The following TTC34 variants were observed in gnomAD, a reference collection of about 807,000 sequenced individuals.
TTC34 encodes the protein tetratricopeptide repeat domain 34, also known as tetratricopeptide repeat protein 34.
Under a neutral mutation model 40.7 loss-of-function variants are expected in TTC34, and 44 were observed. The observed-to-expected ratio is 1.08, with a 90% confidence interval of 0.85 to 1.39. TTC34 has a LOEUF of 1.39. Ranked by LOEUF, TTC34 falls within the 40% of genes most tolerant of loss-of-function variation. The pLI, the probability that TTC34 is intolerant of heterozygous loss-of-function variation, is 0.00. For missense variants in TTC34, 884 were observed against 838.0 expected, an observed-to-expected ratio of 1.05 and a Z score of -0.68; for synonymous variants, 422 against 398.6, an observed-to-expected ratio of 1.06 and a Z score of -0.70.
intron 6 of TTC34, among the ~76,000 whole-genome samples, chr1:2,653,417 A>C (rs1639219419): frequency 2.0e-5 from 3 of 152,106 alleles, no homozygotes; most frequent in Admixed American, 1.3e-4. Flanking sequence ...CCCCCAGGTG[A>C]GCATCTGACA....
Position 2,683,651 on chromosome 1 carries a change from C to T in TTC34, c.2227-38088G>A, listed in dbSNP as rs1276426507. Among the ~76,000 whole-genome samples the T allele has an allele frequency of 7.7e-5, 11 of 142,002 alleles. 1 individual carries two copies. The highest frequency in any genetic ancestry group is 1.5e-4 in the Non-Finnish European group (10 of 65,658). 93.2% of individuals were successfully genotyped at this position (142,002 alleles called of 152,430 possible). On this transcript the variant is annotated intron_variant, in intron 6 of 8. Transcript: ENST00000401095. ...CCCACACCCCCAGGTGAGCATCTGACAGCCTGGAGCAGCACGCTGCACCCC... is the reference window on the plus strand; with the variant it reads ...CCCACACCCCCAGGTGAGCATCTGATAGCCTGGAGCAGCACGCTGCACCCC...
intron 6 of TTC34, among the ~76,000 whole-genome samples, chr1:2,782,275 G>A (rs1046166500): frequency 6.6e-6 from 1 of 152,228 alleles, no homozygotes; most frequent in Admixed American, 6.5e-5. Context: ...TAGATTAACT[G>A]ATTTGTTGGT....
At chr1:2,794,909 A>G (rs1376012933) in intron 2 of TTC34, among the ~76,000 whole-genome samples, 1 of 152,222 alleles carries the variant, frequency 6.6e-6, no homozygotes, top group Non-Finnish European at 1.5e-5. Flanking sequence ...GAAACATAAA[A>G]TTTTAAGTTC....
chr1:2,640,213 G>A (rs1638873634), exon 9 of TTC34: 1 of 152,296 alleles, frequency 6.6e-6, no homozygotes, highest in South Asian at 2.1e-4. Flanking sequence ...TTTGCACCGA[G>A]TCAGCTCACC....
intron 6 of TTC34, among the ~76,000 whole-genome samples, chr1:2,750,812 G>A (rs1405348140): frequency 7.6e-6 from 1 of 131,860 alleles, no homozygotes; most frequent in East Asian, 2.5e-4. Context: ...CACACCCCCA[G>A]GCGAGCATCT....
At position 2,751,910 on chromosome 1, in the gene TTC34, G is replaced by T. The variant is rs1333050844; in HGVS notation, c.2226+31699C>A. Among the ~76,000 whole-genome samples the T allele has an allele frequency of 2.0e-5, 2 of 102,494 alleles. 1 individual carries two copies. The highest frequency in any genetic ancestry group is 3.8e-5 in the Non-Finnish European group (2 of 52,706). 67.2% of individuals were successfully genotyped at this position (102,494 alleles called of 152,430 possible). On this transcript the variant is annotated intron_variant, in intron 6 of 8. Coordinates refer to ENST00000401095, the Ensembl canonical transcript of TTC34. ...CACACCCCCAGGTGAGCATCTGATG[G>T]TCTGGAGCAGCACGCATAACCACAG...
intron 6 of TTC34, among the ~76,000 whole-genome samples, chr1:2,686,806 CA>C (rs1640378017): frequency 6.8e-6 from 1 of 147,154 alleles, no homozygotes; most frequent in Non-Finnish European, 1.5e-5. Context: ...CCCACACCCC[CA>C]GGCGAGCATC....
intron 6 of TTC34, among the ~76,000 whole-genome samples, chr1:2,656,938 C>A (rs1368089212): frequency 1.0e-5 from 1 of 96,248 alleles, no homozygotes; most frequent in Non-Finnish European, 2.7e-5. Flanking sequence ...AGCACCCACA[C>A]CCCCAGGTGA....
chr1:2,787,398 C>A (rs149574203), intron 4 of TTC34, 83 bp downstream of exon 4: 1,051 of 1,299,204 alleles, frequency 8.1e-4, no homozygotes, highest in Non-Finnish European at 1.0e-3. Flanking sequence ...TGGGGTCCAG[C>A]GCCAGGGCCA....
intron 6 of TTC34, among the ~76,000 whole-genome samples, chr1:2,687,912 G>C (rs1169182673): frequency 1.4e-5 from 1 of 70,356 alleles, no homozygotes; most frequent in Non-Finnish European, 2.7e-5. Context: ...TGACAGACTG[G>C]AACAGCACCC....
At chr1:2,748,880 C>G (rs1426675168) in intron 6 of TTC34, among the ~76,000 whole-genome samples, 53 of 75,552 alleles carry the variant, frequency 7.0e-4, no homozygotes, top group Non-Finnish European at 8.1e-4. Flanking sequence ...AGCACCCACA[C>G]CTTCAGGTGA....
At chr1:2,775,322 A>T (rs1239130049) in intron 6 of TTC34, 1 of 150,888 alleles carries the variant, frequency 6.6e-6, no homozygotes, top group African/African-American at 2.5e-5. Flanking sequence ...CCAGGTGAGG[A>T]TCTGACTACC....
chr1:2,760,412 C>A lies in TTC34; in HGVS notation c.2226+23197G>T, dbSNP rs1295477807. The stretch of plus-strand genomic sequence containing the variant: ...TGGAACATCACCCCGCACCCACAGG[C>A]GAGCATCTGACAGCCTGGAGCAGCA... On this transcript the variant is annotated intron_variant, in intron 6 of 8. Transcript: ENST00000401095. Among the ~76,000 whole-genome samples the A allele has an allele frequency of 6.3e-5, 3 of 47,376 alleles. 1 individual carries two copies. The highest frequency in any genetic ancestry group is 4.5e-4 in the Admixed American group (2 of 4,460). The allele number at this position is 47,376 out of a possible 152,430, so 31.1% of individuals were successfully genotyped here.
chr1:2,645,998 G>T lies in TTC34; in HGVS notation c.2227-435C>A, dbSNP rs1038037620. Among the ~76,000 whole-genome samples the T allele has an allele frequency of 6.6e-6, 1 of 152,028 alleles. No individual in the cohort carries two copies. The highest frequency in any genetic ancestry group is 1.5e-5 in the Non-Finnish European group (1 of 67,998). On this transcript the variant is annotated intron_variant, in intron 6 of 8. Transcript: ENST00000401095. The surrounding 1 kb of genome is among the most constrained non-coding windows in gnomAD (Gnocchi z 4.7). ...GGACGCTGGAGCTCCTTGGGTATCC[G>T]GGTGCTGCTCCCAGTGCCTGTGGTC...
chr1:2,656,124 A>G (rs1639334989), intron 6 of TTC34, among the ~76,000 whole-genome samples: 1 of 152,262 alleles, frequency 6.6e-6, no homozygotes, highest in South Asian at 2.1e-4. Flanking sequence ...AGCCTGGAAC[A>G]GAACCCACAG....
chr1:2,791,425 A>G (rs546511659), intron 2 of TTC34, among the ~76,000 whole-genome samples: 1 of 152,138 alleles, frequency 6.6e-6, no homozygotes, highest in East Asian at 1.9e-4. Context: ...TTTCCTTATA[A>G]CCCCATTCAA....
In TTC34 at chr1:2,692,187, C is replaced by T. The variant is rs139702546; in HGVS notation, c.2227-46624G>A. 3.9e-5 allele frequency among the ~76,000 whole-genome samples: 2 copies of T among 50,652 alleles called. 1 individual carries two copies. The highest frequency in any genetic ancestry group is 1.3e-4 in the African/African-American group (2 of 15,704). The allele number at this position is 50,652 out of a possible 152,430, so 33.2% of individuals were successfully genotyped here. The stretch of plus-strand genomic sequence containing the variant: ...ACGGCCTGGAACAGCACACACACCG[C>T]CAGGTGAGCATTGGACACCCTGGAG... On this transcript the variant is annotated intron_variant, in intron 6 of 8. Transcript: ENST00000401095.
rs1171798824 is a variant in TTC34 at position 2,752,659 on chromosome 1, G to A, written c.2226+30950C>T. Among the ~76,000 whole-genome samples, 3 of 139,908 alleles carry A rather than the reference G, an allele frequency of 2.1e-5. 1 individual carries two copies. In the Admixed American group the frequency reaches 2.2e-4, roughly 10 times the overall value. The allele number at this position is 139,908 out of a possible 152,430, so 91.8% of individuals were successfully genotyped here. ...CCTGGAACTGCACACACACCCCCAG[G>A]CGAGCATCTGACAACCTGCAACAGC... On this transcript the variant is annotated intron_variant, in intron 6 of 8. Coordinates refer to ENST00000401095, the Ensembl canonical transcript of TTC34.
intron 6 of TTC34, among the ~76,000 whole-genome samples, chr1:2,773,138 C>A (rs1403683052): frequency 7.4e-4 from 107 of 145,534 alleles, no homozygotes; most frequent in Middle Eastern, 4.0e-3. Context: ...GCACACACAA[C>A]CCCAGGCGAG....
Sources: gnomAD v4.1 joint callset for allele counts (sites outside exome capture counted in the v4.1 genomes callset) on GRCh38, gnomAD v4.1.1 for gene constraint, Gnocchi (gnomAD v3.1) non-coding constraint, MANE v1.5 for transcripts, NCBI Gene and HGNC (gene_info 2026-07-23, HGNC 2026-07-21) for gene names.